The following CIZ1 variants were observed in gnomAD, a reference collection of about 807,000 sequenced individuals.
CIZ1 encodes the protein CDKN1A interacting zinc finger protein 1.
Under a neutral mutation model 118.6 loss-of-function variants are expected in CIZ1, and 58 were observed. The observed-to-expected ratio is 0.49, with a 90% CI of 0.40 to 0.61. The LOEUF (loss-of-function observed/expected upper bound fraction) is 0.61, where lower values mean the gene tolerates loss of function less well. Among genes scored for constraint, CIZ1 ranks in the 20% least tolerant of loss-of-function variants. The pLI, the probability that CIZ1 is intolerant of heterozygous loss-of-function variation, is 0.00. For synonymous variants in CIZ1, 448 were observed against 443.4 expected, an observed-to-expected ratio of 1.01 and a Z score of -0.13; for missense variants, 921 against 1,115.9, an observed-to-expected ratio of 0.83 and a Z score of 2.49.
Position 128,166,545 on chromosome 9 carries a change from G to A in CIZ1, c.2488-139C>T, listed in dbSNP as rs970845224. 3.9e-5 allele frequency: 37 copies of A among 943,408 alleles called. No individual in the cohort carries two copies. The Admixed American group carries it at 7.0e-4, about 18-fold the overall frequency. The allele number at this position is 943,408 out of a possible 1,614,324, so 58.4% of individuals were successfully genotyped here. A position where few individuals can be genotyped will look rare whatever the true frequency, so the allele number is the denominator to read the frequency against. ...TGCGTGATGCACTCGGCCTCTCTGG[G>A]CCGTCTCTGGAGCTAACAGCCTGGC... On this transcript the variant is annotated intron_variant, in intron 16 of 16. Coordinates refer to ENST00000372938, the MANE Select transcript of CIZ1 (RefSeq NM_001131016.2). The surrounding 1 kb of genome is among the most constrained non-coding windows in gnomAD (Gnocchi z 4.4).
chr9:128,203,269 A>G lies in CIZ1; in HGVS notation c.-6+917T>C. 4.3e-6 allele frequency: 1 copy of G among 234,910 alleles called. No individual in the cohort carries two copies. Among genetic ancestry groups the G allele is most frequent in the East Asian group, 1.2e-4 (1 of 8,146 alleles). The allele number at this position is 234,910 out of a possible 1,614,324, so 14.6% of individuals were successfully genotyped here. Reference sequence around the variant, plus strand: ...AACTACGACACCCATGATGCCCCGGACGGCGCCTGCGCACGGCGGCCGGCC... The same window carrying G: ...AACTACGACACCCATGATGCCCCGGGCGGCGCCTGCGCACGGCGGCCGGCC... On this transcript the variant is annotated intron_variant, in intron 1 of 17. Transcript: ENST00000372948. The surrounding 1 kb of genome is among the most constrained non-coding windows in gnomAD (Gnocchi z 5.3).
In CIZ1 at chr9:128,191,035, A is replaced by G. The variant is rs1433819278; in HGVS notation, c.-5-173T>C. Among the ~76,000 whole-genome samples the G allele has an allele frequency of 6.6e-6, 1 of 151,636 alleles. No individual in the cohort carries two copies. The highest frequency in any genetic ancestry group is 1.5e-5 in the Non-Finnish European group (1 of 67,894). ...CCACACTCGCTTGGCCCATCCTTCCAAGTTACCTCCAGTCCTGCTAGGGGC... is the reference window on the plus strand; with the variant it reads ...CCACACTCGCTTGGCCCATCCTTCCGAGTTACCTCCAGTCCTGCTAGGGGC... On this transcript the variant is annotated intron_variant, in intron 1 of 16. Coordinates refer to ENST00000372938, the MANE Select transcript of CIZ1 (RefSeq NM_001131016.2). This position sits in a 1 kb window ranked among gnomAD's most constrained non-coding sequence, Gnocchi z 5.5.
intron 7 of CIZ1, 68 bp from the exon 8 acceptor site, chr9:128,179,483 C>T: frequency 7.0e-7 from 1 of 1,425,702 alleles, no homozygotes; most frequent in Non-Finnish European, 9.4e-7. Flanking sequence ...CAAGTAAGGC[C>T]AAAACTAGGC....
At chr9:128,192,013 G>A (rs1206374085), upstream of CIZ1, 2 of 990,274 alleles carry the variant, frequency 2.0e-6, no homozygotes, top group South Asian at 2.3e-5. Flanking sequence ...CCCACGGAGG[G>A]GTGGAGGGAG....
intron 4 of CIZ1, among the ~76,000 whole-genome samples, chr9:128,187,195 C>T (rs1191387960): frequency 2.0e-5 from 3 of 152,162 alleles, no homozygotes; most frequent in Admixed American, 2.0e-4. Context: ...CCCACCTTGG[C>T]CTACCAAAGT....
At position 128,180,407 on chromosome 9, in the gene CIZ1, T is replaced by A. The variant is rs755298296; in HGVS notation, c.791+8A>T. Reference sequence around the variant, plus strand: ...CCGGGCGCAGGTCAGGTTTTCAGCATCAGTTACCTCCTCAATCTCTTTGCT... The same window carrying A: ...CCGGGCGCAGGTCAGGTTTTCAGCAACAGTTACCTCCTCAATCTCTTTGCT... On this transcript the variant is annotated splice_region_variant and intron_variant, in intron 7 of 16. Coordinates refer to ENST00000372938, the MANE Select transcript of CIZ1 (RefSeq NM_001131016.2). The A allele has an allele frequency of 6.2e-6, 10 of 1,610,158 alleles. No homozygotes were observed. Among genetic ancestry groups the A allele is most frequent in the Non-Finnish European group, 7.6e-6 (9 of 1,176,530 alleles).
intron 1 of CIZ1, among the ~76,000 whole-genome samples, chr9:128,201,815 GGTCACGCA>G (rs1833531246): frequency 1.3e-5 from 2 of 152,122 alleles, no homozygotes; most frequent in African/African-American, 4.8e-5. Flanking sequence ...GAGGGACCTG[GGTCACGCA>G]GCTTGTTTAA....
At chr9:128,180,367 G>T (rs773635789) in intron 7 of CIZ1, 48 bp downstream of exon 7, 1 of 1,408,766 alleles carries the variant, frequency 7.1e-7, no homozygotes, top group South Asian at 1.2e-5. Context: ...TTGCAGGAAT[G>T]AGAGCACAGG....
chr9:128,168,854 G>T, intron 14 of CIZ1, 198 bp downstream of exon 14: 1 of 749,104 alleles, frequency 1.3e-6, no homozygotes, highest in Non-Finnish European at 2.1e-6. Flanking sequence ...GTCAGGCTTT[G>T]CATATTTTAA....
rs45518031 is a variant in CIZ1 at position 128,183,748 on chromosome 9, TTTTGTTTGTTTGTTTG to T, written c.588+1783_588+1798del. ...TCTACCCTAGTTATGTTTCCTATAC[TTTTGTTTGTTTGTTTG>T]TTTGTTTGTTTGTTTGTTTGAAATG... is the stretch of plus-strand genomic sequence containing the variant. On this transcript the variant is annotated intron_variant, in intron 5 of 16. Coordinates refer to ENST00000372938, the MANE Select transcript of CIZ1 (RefSeq NM_001131016.2). Among the ~76,000 whole-genome samples the T allele has an allele frequency of 4.7e-4, 71 of 150,988 alleles. 1 individual carries two copies. The highest frequency in any genetic ancestry group is 1.6e-3 in the African/African-American group (67 of 41,158).
intron 5 of CIZ1, among the ~76,000 whole-genome samples, chr9:128,183,514 C>A (rs45475997): frequency 1.3e-4 from 20 of 152,302 alleles, no homozygotes; most frequent in Non-Finnish European, 2.5e-4. Flanking sequence ...ATTGCCCCTG[C>A]GCTGGAATAC....
intron 3 of CIZ1, 55 bp downstream of exon 3, chr9:128,190,274 C>A: frequency 1.6e-6 from 2 of 1,261,800 alleles, no homozygotes; most frequent in Non-Finnish European, 2.3e-6. Flanking sequence ...GAGCAATGCG[C>A]TGCTAGGGAG....
rs11549264 is a variant in CIZ1, at chr9:128,166,332, G to T, written c.2562C>A (p.Asn854Lys). The change falls in exon 17 of 17, where the codon AAC becomes AAA. Residue 854 changes from asparagine to lysine, a missense_variant. Physicochemically the swap from Asn to Lys is moderately conservative, Grantham distance 94. Coordinates refer to ENST00000372938, the MANE Select transcript of CIZ1 (RefSeq NM_001131016.2). This position sits in a 1 kb window ranked among gnomAD's most constrained non-coding sequence, Gnocchi z 4.4. ...TGGAGGTGAACAGGGCTGTCAAAGC[G>T]TTCCGGGCGTTGATTGCGCACCGGC... ...VSRRCAINAR[N>K]ALTALFTSSG... is the part of the protein sequence containing the mutation. 6.4e-7 allele frequency: 1 copy of T among 1,565,860 alleles called. No individual in the cohort carries two copies. The highest frequency in any genetic ancestry group is 1.2e-5 in the South Asian group (1 of 85,082).
At chr9:128,195,881 T>A (rs530400653), upstream of CIZ1, among the ~76,000 whole-genome samples, 3 of 152,298 alleles carry the variant, frequency 2.0e-5, no homozygotes, top group South Asian at 6.2e-4. Flanking sequence ...TTTGTTTGTT[T>A]TTGAGGCAGA....
At chr9:128,179,778 T>C (rs780310261) in intron 7 of CIZ1, among the ~76,000 whole-genome samples, 14 of 152,174 alleles carry the variant, frequency 9.2e-5, no homozygotes, top group Non-Finnish European at 1.6e-4. Context: ...GTCCAAGCGA[T>C]TCTCCTGCCT....
At position 128,177,549 on chromosome 9, in the gene CIZ1, ATCTC is replaced by A; in HGVS notation, c.1818+13_1818+16del. The A allele has an allele frequency of 7.5e-7, 1 of 1,339,358 alleles. No homozygotes were observed. Among genetic ancestry groups the A allele is most frequent in the Non-Finnish European group, 9.9e-7 (1 of 1,009,204 alleles). 83.0% of individuals were successfully genotyped at this position (1,339,358 alleles called of 1,614,324 possible). A position where few individuals can be genotyped will look rare whatever the true frequency, so the allele number is the denominator to read the frequency against. ...GCAGGCCCCACCCCTCCCCACCCTTATCTCCTGTATCAGTACCTGCTGGCTGGAG... is the reference window on the plus strand; with the variant it reads ...GCAGGCCCCACCCCTCCCCACCCTTACTGTATCAGTACCTGCTGGCTGGAG... On this transcript the variant is annotated intron_variant, in intron 10 of 16. Transcript: ENST00000372938.
Position 128,203,364 on chromosome 9 carries a change from C to G in CIZ1, c.-6+822G>C. On this transcript the variant is annotated intron_variant, in intron 1 of 17. Coordinates refer to the CIZ1 transcript ENST00000372948. The surrounding 1 kb of genome is among the most constrained non-coding windows in gnomAD (Gnocchi z 5.3). Reference sequence around the variant, plus strand: ...CGCTCCGATCCCCGAGGGGCGGGGGCCCCGCGGCGCAGGCAGTCTGGGCGC... The same window carrying G: ...CGCTCCGATCCCCGAGGGGCGGGGGGCCCGCGGCGCAGGCAGTCTGGGCGC... The G allele has an allele frequency of 9.0e-7, 1 of 1,109,338 alleles. No homozygotes were observed. 68.7% of individuals were successfully genotyped at this position (1,109,338 alleles called of 1,614,324 possible). A position where few individuals can be genotyped will look rare whatever the true frequency, so the allele number is the denominator to read the frequency against.
chr9:128,177,908 G>T, intron 9 of CIZ1, 145 bp from the exon 10 acceptor site: 1 of 620,442 alleles, frequency 1.6e-6, no homozygotes, highest in Middle Eastern at 4.1e-4. Flanking sequence ...GACTACCCCA[G>T]CTTGCACAGC....
intron 1 of CIZ1, among the ~76,000 whole-genome samples, chr9:128,200,482 A>G (rs1458434732): frequency 6.6e-6 from 1 of 151,600 alleles, no homozygotes; most frequent in Admixed American, 6.6e-5. Context: ...AGATGATGAA[A>G]CCCCGTCTCT....
Sources: gnomAD v4.1 joint callset for allele counts (sites outside exome capture counted in the v4.1 genomes callset) on GRCh38, gnomAD v4.1.1 for gene constraint, Gnocchi (gnomAD v3.1) non-coding constraint, MANE v1.5 for transcripts, NCBI Gene and HGNC (gene_info 2026-07-23, HGNC 2026-07-21) for gene names.